The following ZCCHC4 variants were observed in gnomAD, a reference collection of about 807,000 sequenced individuals.
ZCCHC4 encodes the protein zinc finger CCHC-type containing 4.
In ZCCHC4, 54 loss-of-function variants were observed where a neutral mutation model predicts 67.7. That is an observed-to-expected ratio of 0.80 (90% CI 0.64 to 1.00). ZCCHC4 has a LOEUF of 1.00. Among genes scored for constraint, ZCCHC4 ranks in the 50% least tolerant of loss-of-function variants. The probability of loss-of-function intolerance (pLI) is 0.00; values close to 1 mark genes in which losing one functional copy is unlikely to be tolerated. For synonymous variants in ZCCHC4, 198 were observed against 213.5 expected, an observed-to-expected ratio of 0.93 and a Z score of 0.63; for missense variants, 609 against 617.0, an observed-to-expected ratio of 0.99 and a Z score of 0.14.
Position 25,369,271 on chromosome 4 carries a change from C to T in ZCCHC4, c.*107C>T. On this transcript the variant is annotated 3_prime_UTR_variant, in exon 13 of 13. Coordinates refer to ENST00000302874, the MANE Select transcript of ZCCHC4 (RefSeq NM_024936.3). The stretch of plus-strand genomic sequence containing the variant: ...TTCAGCTGCTTCCAGAGGTGTGCAC[C>T]TTTCTGAGCTAGATAACAGGCAGGT... The T allele has an allele frequency of 1.3e-6, 2 of 1,485,554 alleles. No individual in the cohort carries two copies. The highest frequency in any genetic ancestry group is 9.1e-7 in the Non-Finnish European group (1 of 1,095,306). The allele number at this position is 1,485,554 out of a possible 1,614,324, so 92.0% of individuals were successfully genotyped here.
chr4:25,326,553 G>T (rs956184523), intron 3 of ZCCHC4, among the ~76,000 whole-genome samples: 1 of 151,854 alleles, frequency 6.6e-6, no homozygotes, highest in Admixed American at 6.6e-5. Context: ...TTGACCTATA[G>T]GTATATCTTT....
chr4:25,345,409 T>G, intron 5 of ZCCHC4, 139 bp from the exon 6 acceptor site: 1 of 626,568 alleles, frequency 1.6e-6, no homozygotes, highest in Non-Finnish European at 2.9e-6. Flanking sequence ...TTCCCTGAAA[T>G]TTTTGCAAAT....
intron 8 of ZCCHC4, among the ~76,000 whole-genome samples, chr4:25,356,597 C>A (rs1194618680): frequency 2.0e-5 from 3 of 151,436 alleles, no homozygotes; most frequent in Non-Finnish European, 4.4e-5. Context: ...TAGTATATTG[C>A]ATAGAATATT....
chr4:25,321,648 C>T lies in ZCCHC4; in HGVS notation c.329+6248C>T, dbSNP rs57884884. Among the ~76,000 whole-genome samples the T allele has an allele frequency of 6.7e-3, 1,026 of 152,218 alleles. 10 individuals carry two copies. Among genetic ancestry groups the T allele is most frequent in the African/African-American group, 0.023 (963 of 41,524 alleles). On this transcript the variant is annotated intron_variant, in intron 3 of 12. Coordinates refer to ENST00000302874, the MANE Select transcript of ZCCHC4 (RefSeq NM_024936.3). The stretch of plus-strand genomic sequence containing the variant: ...TCAGCCTCCCAAAGTGCTGGGATTA[C>T]AGGTGTGTGCCACGGCGCCTGGCTG...
chr4:25,321,769 C>G (rs1718598298), intron 3 of ZCCHC4, among the ~76,000 whole-genome samples: 1 of 152,186 alleles, frequency 6.6e-6, no homozygotes, highest in African/African-American at 2.4e-5. Context: ...CCTGCCTCAG[C>G]CTCCCGGGTA....
intron 8 of ZCCHC4, chr4:25,352,250 C>A (rs1227653158): frequency 2.0e-6 from 2 of 985,220 alleles, no homozygotes; most frequent in Non-Finnish European, 2.4e-6. Flanking sequence ...ATGGAATTTT[C>A]CCCCTGCCTG....
At position 25,333,308 on chromosome 4, in the gene ZCCHC4, C is replaced by A. The variant is rs201877101; in HGVS notation, c.455C>A (p.Thr152Asn). 1.0e-3 allele frequency: 1,634 copies of A among 1,614,038 alleles called. 3 individuals are homozygous for A. The highest frequency in any genetic ancestry group is 3.1e-3 in the Middle Eastern group (19 of 6,058). Residue 152 changes from threonine to asparagine, a missense_variant, in exon 4 of 13, where the codon ACC becomes AAC. Coordinates refer to ENST00000302874, the MANE Select transcript of ZCCHC4 (RefSeq NM_024936.3). Reference sequence around the variant, plus strand: ...CAGGTTCTGGGTAATGTGTCCATTACCCAGTTAAGAAGGCCCAGTCAACTC... The same window carrying A: ...CAGGTTCTGGGTAATGTGTCCATTAACCAGTTAAGAAGGCCCAGTCAACTC... The part of the protein sequence containing the change: ...EHQVLGNVSI[T>N]QLRRPSQLLY...
Position 25,333,902 on chromosome 4 carries a change from C to T in ZCCHC4, c.606-6C>T, listed in dbSNP as rs1019943705. On this transcript the variant is annotated splice_region_variant and splice_polypyrimidine_tract_variant and intron_variant, in intron 4 of 12. Coordinates refer to ENST00000302874, the MANE Select transcript of ZCCHC4 (RefSeq NM_024936.3). ...TTATTACATTTGCTTTCACTAATTG[C>T]TTTAGGTTGCATGAGCTGATCAAGT... 6.3e-7 allele frequency: 1 copy of T among 1,580,384 alleles called. No homozygotes were observed. The highest frequency in any genetic ancestry group is 1.2e-5 in the South Asian group (1 of 84,054).
rs1035624437 is a variant in ZCCHC4, at chr4:25,341,627, A to G, written c.687-3921A>G. On this transcript the variant is annotated intron_variant, in intron 5 of 12. Coordinates refer to ENST00000302874, the MANE Select transcript of ZCCHC4 (RefSeq NM_024936.3). Reference sequence around the variant, plus strand: ...ACCTCTTTTCTTTATAAATTACCCAATCTCAGGTATTCTTTTATAGCAATG... The same window carrying G: ...ACCTCTTTTCTTTATAAATTACCCAGTCTCAGGTATTCTTTTATAGCAATG... Among the ~76,000 whole-genome samples the G allele has an allele frequency of 5.3e-5, 8 of 152,250 alleles. No homozygotes were observed. The East Asian group carries it at 1.4e-3, about 26-fold the overall frequency.
At chr4:25,356,688 T>C (rs1560415025) in intron 8 of ZCCHC4, among the ~76,000 whole-genome samples, 1 of 152,100 alleles carries the variant, frequency 6.6e-6, no homozygotes, top group Non-Finnish European at 1.5e-5. Flanking sequence ...AGAATTTTTT[T>C]ATTATGACAC....
At chr4:25,347,887 G>C (rs977565131) in intron 6 of ZCCHC4, among the ~76,000 whole-genome samples, 1 of 152,176 alleles carries the variant, frequency 6.6e-6, no homozygotes, top group Non-Finnish European at 1.5e-5. Context: ...TGAGATAAAG[G>C]AAAGAGTCAA....
At chr4:25,361,692 G>T in intron 8 of ZCCHC4, 167 bp from the exon 9 acceptor site, 1 of 635,866 alleles carries the variant, frequency 1.6e-6, no homozygotes, top group Non-Finnish European at 2.6e-6. Flanking sequence ...CCCACCACTG[G>T]TCCACCCACT....
At position 25,319,470 on chromosome 4, in the gene ZCCHC4, C is replaced by T. The variant is rs955046602; in HGVS notation, c.329+4070C>T. Among the ~76,000 whole-genome samples the T allele has an allele frequency of 4.3e-4, 66 of 151,872 alleles. 1 individual carries two copies. Among genetic ancestry groups the T allele is most frequent in the African/African-American group, 1.5e-3 (61 of 41,344 alleles). ...TAACTTGTGGCTTAGGTGATCAATA[C>T]AGGGTAAGGAGAGGACATCTGAACA... On this transcript the variant is annotated intron_variant, in intron 3 of 12. Transcript: ENST00000302874.
chr4:25,353,070 A>G (rs1407057901), intron 8 of ZCCHC4, among the ~76,000 whole-genome samples: 1 of 152,232 alleles, frequency 6.6e-6, no homozygotes, highest in African/African-American at 2.4e-5. Flanking sequence ...TTATAAGTAT[A>G]CATTTTTAAA....
Position 25,361,919 on chromosome 4 carries a change from G to T in ZCCHC4, c.1072G>T (p.Val358Leu). The T allele has an allele frequency of 6.2e-7, 1 of 1,613,902 alleles. No individual in the cohort carries two copies. Among genetic ancestry groups the T allele is most frequent in the South Asian group, 1.1e-5 (1 of 91,030 alleles). ...HGKTGRKQSP[V>L]RIFTNIPPNK... ...AAAGACAGGTCGAAAACAGTCTCCCGTGCGTATTTTCACCAACATTCCGCC... is the reference window on the plus strand; with the variant it reads ...AAAGACAGGTCGAAAACAGTCTCCCTTGCGTATTTTCACCAACATTCCGCC... Residue 358 changes from valine to leucine, a missense_variant, in exon 9 of 13, where the codon GTG becomes TTG. Val to Leu is a conservative substitution (Grantham distance 32). Transcript: ENST00000302874.
chr4:25,354,230 C>T (rs1454471463), intron 8 of ZCCHC4, among the ~76,000 whole-genome samples: 1 of 152,120 alleles, frequency 6.6e-6, no homozygotes, highest in Non-Finnish European at 1.5e-5. Flanking sequence ...ACTTGTTAGG[C>T]AGTCTGTGTT....
chr4:25,367,198 T>C (rs375907946), intron 12 of ZCCHC4, among the ~76,000 whole-genome samples: 4 of 152,312 alleles, frequency 2.6e-5, no homozygotes, highest in South Asian at 4.1e-4. Context: ...CTAACTGGAA[T>C]GATGCTGGCT....
At chr4:25,350,850 T>C (rs1313841778) in intron 7 of ZCCHC4, among the ~76,000 whole-genome samples, 3 of 152,214 alleles carry the variant, frequency 2.0e-5, no homozygotes, top group Non-Finnish European at 4.4e-5. Flanking sequence ...CTGCCACTTA[T>C]TAGCTGCATT....
At chr4:25,343,550 CT>C (rs1719852685) in intron 5 of ZCCHC4, among the ~76,000 whole-genome samples, 1 of 152,208 alleles carries the variant, frequency 6.6e-6, no homozygotes, top group South Asian at 2.1e-4. Context: ...CATACATCAT[CT>C]TATTGTTATC....
Sources: allele counts gnomAD v4.1 joint callset (sites outside exome capture counted in the v4.1 genomes callset), GRCh38; gene constraint gnomAD v4.1.1; transcripts MANE v1.5; gene names NCBI Gene and HGNC (gene_info 2026-07-23, HGNC 2026-07-21).